Variants in FAM149A observed in about 807,000 individuals in gnomAD.
FAM149A encodes the protein family with sequence similarity 149 member A.
In FAM149A, 71 loss-of-function variants were observed where a neutral mutation model predicts 78.2. The ratio of observed to expected loss-of-function variants is 0.91; its 90% CI spans 0.75 to 1.11. The LOEUF (loss-of-function observed/expected upper bound fraction) is 1.11. Ranked by LOEUF, FAM149A falls within the 50% of genes least tolerant of loss-of-function variation. The pLI, the probability that FAM149A is intolerant of heterozygous loss-of-function variation, is 0.00. For missense variants in FAM149A, 1,036 were observed against 971.0 expected, an observed-to-expected ratio of 1.07 and a Z score of -0.89; for synonymous variants, 446 against 410.5, an observed-to-expected ratio of 1.09 and a Z score of -1.04.
chr4:186,129,213 A>G (rs988340604), intron 1 of FAM149A, among the ~76,000 whole-genome samples: 2 of 151,242 alleles, frequency 1.3e-5, no homozygotes, highest in Non-Finnish European at 2.9e-5. Context: ...GTGTGTGTCT[A>G]TGTGTGTGTG....
At chr4:186,153,503 G>A in intron 4 of FAM149A, 142 bp from the exon 5 acceptor site, 7 of 1,479,768 alleles carry the variant, frequency 4.7e-6, no homozygotes, top group African/African-American at 1.4e-5. Context: ...TCACACTTCT[G>A]TGATGCGTGA....
At chr4:186,135,945 G>A (rs1012958807) in intron 1 of FAM149A, among the ~76,000 whole-genome samples, 25 of 152,346 alleles carry the variant, frequency 1.6e-4, no homozygotes, top group Middle Eastern at 6.8e-3. Flanking sequence ...GGAGGGGCAT[G>A]GAGGCACCAC....
intron 1 of FAM149A, chr4:186,126,821 G>A (rs2099318526): frequency 4.4e-6 from 4 of 909,506 alleles, no homozygotes; most frequent in Non-Finnish European, 5.3e-6. Context: ...AAATCTCCTG[G>A]TGTATGTCTC....
intron 1 of FAM149A, among the ~76,000 whole-genome samples, chr4:186,108,840 T>C (rs13106718): frequency 0.19 from 28,670 of 149,804 alleles, 3,031 homozygotes; most frequent in South Asian, 0.28. Flanking sequence ...GGTCTTATTC[T>C]CAATCTCTGG....
intron 8 of FAM149A, among the ~76,000 whole-genome samples, chr4:186,161,094 T>G (rs1203366018): frequency 6.6e-6 from 1 of 152,224 alleles, no homozygotes; most frequent in Non-Finnish European, 1.5e-5. Flanking sequence ...ATTAGATTTT[T>G]GTGTAATTTT....
chr4:186,128,854 A>T (rs753597088), intron 1 of FAM149A, among the ~76,000 whole-genome samples: 9 of 151,176 alleles, frequency 6.0e-5, no homozygotes, highest in Non-Finnish European at 8.9e-5. Context: ...TGTATGGTGT[A>T]TGCATCTGTA....
Position 186,164,516 on chromosome 4 carries a change from G to T in FAM149A, c.1890-828G>T. ...AGATGCAGTCATAACCCCCCTTTCA[G>T]CTTTTTAATTGGTGACTGTTTCTTT... On this transcript the variant is annotated intron_variant, in intron 10 of 13. Coordinates refer to ENST00000389354, the MANE Select transcript of FAM149A (RefSeq NM_001367768.3). This position sits in a 1 kb window ranked among gnomAD's most constrained non-coding sequence, Gnocchi z 4.0. The T allele has an allele frequency of 3.1e-6, 3 of 983,414 alleles. No individual in the cohort carries two copies. The highest frequency in any genetic ancestry group is 3.6e-6 in the Non-Finnish European group (3 of 828,134). The allele number at this position is 983,414 out of a possible 1,614,324, so 60.9% of individuals were successfully genotyped here. A position where few individuals can be genotyped will look rare whatever the true frequency, so the allele number is the denominator to read the frequency against.
chr4:186,155,034 C>A, intron 6 of FAM149A: 2 of 703,510 alleles, frequency 2.8e-6, no homozygotes, highest in Non-Finnish European at 3.5e-6. Flanking sequence ...GCGAGCTCGG[C>A]TGACTGCAAA....
intron 1 of FAM149A, chr4:186,129,952 C>T (rs1277883435): frequency 2.0e-5 from 3 of 152,088 alleles, no homozygotes; most frequent in African/African-American, 7.2e-5. Flanking sequence ...TTAAAGGCCA[C>T]TCTGTGAGAA....
chr4:186,141,647 G>A (rs2099325839), intron 1 of FAM149A, among the ~76,000 whole-genome samples: 1 of 152,128 alleles, frequency 6.6e-6, no homozygotes. Context: ...AGACTTGCTG[G>A]GTTTGTGAAA....
chr4:186,111,929 G>A (rs535188779), intron 1 of FAM149A, among the ~76,000 whole-genome samples: 2 of 151,796 alleles, frequency 1.3e-5, no homozygotes, highest in East Asian at 3.9e-4. Flanking sequence ...CCAATTCTGT[G>A]AAGAAAGTCA....
chr4:186,145,203 C>T (rs1161185236), intron 1 of FAM149A: 1 of 951,358 alleles, frequency 1.1e-6, no homozygotes, highest in East Asian at 1.2e-4. Context: ...CTGCGTCTGG[C>T]CCGGGCTTCC....
chr4:186,131,863 T>G (rs577642902), intron 1 of FAM149A: 1 of 980,924 alleles, frequency 1.0e-6, no homozygotes, highest in South Asian at 4.7e-5. Flanking sequence ...AATTAAGAAC[T>G]TCTGTTAATC....
intron 1 of FAM149A, among the ~76,000 whole-genome samples, chr4:186,106,964 A>G (rs2099309027): frequency 6.6e-6 from 1 of 152,180 alleles, no homozygotes; most frequent in Admixed American, 6.5e-5. Context: ...AAAAACAACA[A>G]CAAAAAAGAA....
chr4:186,149,613 G>A lies in FAM149A; in HGVS notation c.698G>A (p.Gly233Glu), dbSNP rs750194412. The A allele has an allele frequency of 7.8e-7, 1 of 1,289,880 alleles. No individual in the cohort carries two copies. The highest frequency in any genetic ancestry group is 1.0e-6 in the Non-Finnish European group (1 of 988,890). 79.9% of individuals were successfully genotyped at this position (1,289,880 alleles called of 1,614,324 possible). The change falls in exon 3 of 14, where the codon GGA (glycine) becomes GAA (glutamate). Residue 233 changes from glycine (G) to glutamate (E), a missense_variant. Gly to Glu is a moderately conservative substitution (Grantham distance 98). This residue lies in a region of FAM149A where 716 missense variants were observed against 711.8 expected (regional missense o/e 1.01). Transcript: ENST00000389354. ...TCCAGCGGAAGCCATACACCCACGG[G>A]AGCCCACACCTCTTGGTCTGGGTCG...
At chr4:186,146,805 C>T (rs1192138216) in intron 1 of FAM149A, 77 of 985,170 alleles carry the variant, frequency 7.8e-5, no homozygotes, top group Non-Finnish European at 8.9e-5. Flanking sequence ...TGTCAGGTCA[C>T]GATGTAATCC....
In FAM149A at chr4:186,153,777, T is replaced by C. The variant is rs376890224; in HGVS notation, c.1058+7T>C. 5.1e-5 allele frequency: 81 copies of C among 1,593,582 alleles called. No individual in the cohort carries two copies. The African/African-American group carries it at 1.0e-3, about 21-fold the overall frequency. ...ACAGCAGCAACATCAGAGAGTATGT[T>C]CAGATAAGTGACTCTCAAAAAGTAT... On this transcript the variant is annotated splice_region_variant and intron_variant, in intron 5 of 13. Transcript: ENST00000389354.
At chr4:186,158,151 C>T (rs763263791) in intron 8 of FAM149A, 1 of 1,285,902 alleles carries the variant, frequency 7.8e-7, no homozygotes, top group Non-Finnish European at 1.0e-6. Flanking sequence ...GGCCGGCAGG[C>T]TGTGCTGAAG....
At chr4:186,146,066 T>C (rs972119788) in intron 1 of FAM149A, among the ~76,000 whole-genome samples, 2 of 152,166 alleles carry the variant, frequency 1.3e-5, no homozygotes, top group African/African-American at 4.8e-5. Flanking sequence ...TGTTAGTAAC[T>C]TGTGCCACTG....
Sources: allele counts gnomAD v4.1 joint callset (sites outside exome capture counted in the v4.1 genomes callset), GRCh38; gene constraint gnomAD v4.1.1; regional missense constraint gnomAD v4.1.1; non-coding constraint Gnocchi (gnomAD v3.1); transcripts MANE v1.5; gene names NCBI Gene and HGNC (gene_info 2026-07-23, HGNC 2026-07-21).